JAK1: variants seen among roughly 807,000 people sequenced by gnomAD.
JAK1 encodes the protein Janus kinase 1.
A neutral mutation model predicts 136.6 loss-of-function variants in JAK1; 16 were observed. That is an observed-to-expected ratio of 0.12 (90% CI 0.08 to 0.18). JAK1 has a LOEUF of 0.18. Among genes scored for constraint, JAK1 ranks in the 10% least tolerant of loss-of-function variants. The pLI, the probability that JAK1 is intolerant of heterozygous loss-of-function variation, is 1.00. For missense variants in JAK1, 859 were observed against 1,450.1 expected (o/e 0.59, Z 6.62); for synonymous variants, 492 against 519.5 (o/e 0.95, Z 0.72).
At chr1:65,030,893 C>G (rs986123720) in intron 2 of JAK1, among the ~76,000 whole-genome samples, 5 of 151,976 alleles carry the variant, frequency 3.3e-5, no homozygotes, top group African/African-American at 1.2e-4. Context: ...GTGGCTCATG[C>G]ATGTGGTCCC....
intron 2 of JAK1, among the ~76,000 whole-genome samples, chr1:65,034,821 A>G (rs182257875): frequency 1.3e-3 from 204 of 152,174 alleles, no homozygotes; most frequent in Admixed American, 6.9e-3. Flanking sequence ...TTGCGAGGCC[A>G]AGGCGGGCGG....
At chr1:65,023,008 C>T (rs934431993) in intron 2 of JAK1, 3 of 152,080 alleles carry the variant, frequency 2.0e-5, no homozygotes, top group African/African-American at 7.2e-5. Flanking sequence ...GTCATCCTTA[C>T]ACAGGGGCCA....
At chr1:64,964,400 G>A (rs897317817) in intron 1 of JAK1, among the ~76,000 whole-genome samples, 5 of 152,214 alleles carry the variant, frequency 3.3e-5, no homozygotes, top group African/African-American at 1.2e-4. Flanking sequence ...ACACAAATGA[G>A]TATCAACCTA....
At chr1:64,853,527 C>G (rs776029161) in intron 11 of JAK1, among the ~76,000 whole-genome samples, 1 of 152,180 alleles carries the variant, frequency 6.6e-6, no homozygotes, top group South Asian at 2.1e-4. Context: ...CTCCAAACAA[C>G]GCCTGGCAAA....
chr1:64,903,718 T>C (rs1645147759), intron 1 of JAK1, among the ~76,000 whole-genome samples: 1 of 152,194 alleles, frequency 6.6e-6, no homozygotes, highest in Non-Finnish European at 1.5e-5. Context: ...TCATAAAGTC[T>C]TTGCCAGGGA....
rs200606032 is a variant in JAK1 at position 64,834,137 on chromosome 1, A to T, written c.*425T>A. 134 of 248,700 alleles carry T rather than the reference A, an allele frequency of 5.4e-4. 1 individual carries two copies. In the East Asian group the frequency reaches 7.4e-3, roughly 14 times the overall value. 15.4% of individuals were successfully genotyped at this position (248,700 alleles called of 1,614,324 possible). On this transcript the variant is annotated 3_prime_UTR_variant, in exon 25 of 25. Coordinates refer to ENST00000342505, the MANE Select transcript of JAK1 (RefSeq NM_002227.4). The stretch of plus-strand genomic sequence containing the variant: ...GTCCATCAATCTTTCTTTATCTATG[A>T]TTAATGTGCCAGCAAAACATTTCAG...
intron 1 of JAK1, among the ~76,000 whole-genome samples, chr1:65,046,872 CTTTTTTT>C (rs770524663): frequency 1.9e-4 from 22 of 113,394 alleles, no homozygotes; most frequent in African/African-American, 4.9e-4. Context: ...GCCCCAACCT[CTTTTTTT>C]TTTTTTTTTT....
chr1:65,026,434 G>A (rs1029456846), intron 2 of JAK1, among the ~76,000 whole-genome samples: 3 of 152,122 alleles, frequency 2.0e-5, no homozygotes, highest in Admixed American at 1.3e-4. Context: ...AGAATCCCAC[G>A]GTTTGGCTTC....
intron 1 of JAK1, among the ~76,000 whole-genome samples, chr1:64,935,863 G>A (rs1349124452): frequency 6.6e-6 from 1 of 152,174 alleles, no homozygotes; most frequent in African/African-American, 2.4e-5. Flanking sequence ...AGCCATAAAT[G>A]GTGCACAATA....
At chr1:64,839,110 C>T (rs1358835202) in intron 20 of JAK1, among the ~76,000 whole-genome samples, 27 of 134,418 alleles carry the variant, frequency 2.0e-4, no homozygotes, top group Non-Finnish European at 2.9e-4. Flanking sequence ...TGCGCCACTG[C>T]AGTCCAGCCT....
chr1:64,923,373 A>G (rs1470627831), intron 1 of JAK1, among the ~76,000 whole-genome samples: 1 of 152,236 alleles, frequency 6.6e-6, no homozygotes, highest in African/African-American at 2.4e-5. Flanking sequence ...TGAGACCACA[A>G]GTGATTACAC....
rs1194649310 is a variant in JAK1 at position 64,838,096 on chromosome 1, G to A, written c.2976C>T (p.Asp992=). The change falls in exon 22 of 25, where the codon GAC becomes GAT. Residue 992 remains aspartate, a synonymous_variant. Transcript: ENST00000342505. ...GAACGTATTGCCGAGAACCCAAATA[G>A]TCCATCCCCTGAGAGAGAGAAGTAA... is the stretch of plus-strand genomic sequence containing the variant. ...KYAVQICKGM[D]YLGSRQYVHR... 4 of 1,613,482 alleles carry A rather than the reference G, an allele frequency of 2.5e-6. No individual in the cohort carries two copies. Among genetic ancestry groups the A allele is most frequent in the Non-Finnish European group, 3.4e-6 (4 of 1,179,534 alleles).
At chr1:65,025,132 CAGG>C (rs1646967877) in intron 2 of JAK1, among the ~76,000 whole-genome samples, 1 of 152,168 alleles carries the variant, frequency 6.6e-6, no homozygotes. Context: ...TTCAGGCCCA[CAGG>C]AGAAGAGTGC....
At chr1:64,976,961 T>C (rs965639477) in intron 2 of JAK1, among the ~76,000 whole-genome samples, 2 of 152,154 alleles carry the variant, frequency 1.3e-5, no homozygotes, top group Non-Finnish European at 2.9e-5. Context: ...GAAATAGCTA[T>C]ACTTCTCTTG....
intron 2 of JAK1, among the ~76,000 whole-genome samples, chr1:64,884,134 C>G (rs310200): frequency 0.37 from 56,500 of 151,880 alleles, 13,224 homozygotes; most frequent in African/African-American, 0.65. Flanking sequence ...TGACGCAGCA[C>G]CAGGAGGGCA....
intron 2 of JAK1, among the ~76,000 whole-genome samples, chr1:65,016,148 C>T (rs972677545): frequency 1.3e-5 from 2 of 152,072 alleles, no homozygotes; most frequent in Admixed American, 1.3e-4. Flanking sequence ...TAGGAAAATT[C>T]GTAGAAATGT....
chr1:64,847,409 G>T, intron 13 of JAK1, 123 bp downstream of exon 13: 1 of 1,221,954 alleles, frequency 8.2e-7, no homozygotes, highest in Non-Finnish European at 1.2e-6. Context: ...AAAATTCTGA[G>T]TAAAAGGCAA....
chr1:64,879,103 T>G lies in JAK1; in HGVS notation c.251A>C (p.Asn84Thr), dbSNP rs998744051. 6.2e-7 allele frequency: 1 copy of G among 1,613,914 alleles called. No individual in the cohort carries two copies. Among genetic ancestry groups the G allele is most frequent in the Non-Finnish European group, 8.5e-7 (1 of 1,179,920 alleles). ...ATTTGGAGCATACCAGAGCTTGGTG[T>G]TCTCGTCATACAGGGCAAAGAGGTT... ...CHNLFALYDE[N>T]TKLWYAPNRT... The change falls in exon 4 of 25, where the codon AAC (asparagine) becomes ACC (threonine). Residue 84 changes from asparagine to threonine, a missense_variant. Transcript: ENST00000342505.
intron 11 of JAK1, among the ~76,000 whole-genome samples, chr1:64,853,726 T>C (rs191974154): frequency 2.6e-5 from 4 of 151,254 alleles, no homozygotes; most frequent in Non-Finnish European, 5.9e-5. Flanking sequence ...GTACATAAAC[T>C]GCCTGGGCCA....
Sources: allele counts gnomAD v4.1 joint callset (sites outside exome capture counted in the v4.1 genomes callset), GRCh38; gene constraint gnomAD v4.1.1; transcripts MANE v1.5; gene names NCBI Gene and HGNC (gene_info 2026-07-23, HGNC 2026-07-21).